PCDHA5: variants seen among roughly 807,000 people sequenced by gnomAD.
The protein encoded by PCDHA5 is protocadherin alpha-5.
PCDHA5 carries 43 observed loss-of-function variants against 61.6 expected under a neutral mutation model. That is an observed-to-expected ratio of 0.70 (90% CI 0.55 to 0.90). PCDHA5 has a LOEUF of 0.90. Among genes scored for constraint, PCDHA5 ranks in the 40% least tolerant of loss-of-function variants. The pLI is 0.00. For synonymous variants in PCDHA5, 627 were observed against 543.9 expected (o/e 1.15, Z -2.13); for missense variants, 1,298 against 1,222.7 (o/e 1.06, Z -0.92).
At chr5:140,933,221 G>T (rs952837794) in intron 1 of PCDHA5, among the ~76,000 whole-genome samples, 1 of 151,758 alleles carries the variant, frequency 6.6e-6, no homozygotes, top group Non-Finnish European at 1.5e-5. Flanking sequence ...CTGTTATATT[G>T]CATTTATGAA....
intron 1 of PCDHA5, among the ~76,000 whole-genome samples, chr5:140,961,205 T>A (rs1215243152): frequency 1.3e-5 from 2 of 152,172 alleles, no homozygotes; most frequent in African/African-American, 4.8e-5. Context: ...GAGGTTGGTA[T>A]TGATGAAGAA....
rs2150168385 is a variant in PCDHA5 at position 140,829,460 on chromosome 5, C to T, written c.2352+5333C>T. On this transcript the variant is annotated intron_variant, in intron 1 of 3. Transcript: ENST00000529859. ...GAATGACAATGCTCCGGCGTTCGCG[C>T]AGCCCGAGTACACAGTGTTCGTGAA... 20 of 1,613,778 alleles carry T rather than the reference C, an allele frequency of 1.2e-5. No homozygotes were observed. The African/African-American group carries it at 2.5e-4, about 20-fold the overall frequency.
intron 1 of PCDHA5, chr5:140,967,449 C>T (rs2096141880): frequency 1.2e-6 from 2 of 1,613,586 alleles, no homozygotes; most frequent in Non-Finnish European, 1.7e-6. Context: ...CTGGTTCTCA[C>T]AGCCGTGGAT....
chr5:140,910,958 C>G (rs571427431), intron 1 of PCDHA5, among the ~76,000 whole-genome samples: 2 of 152,220 alleles, frequency 1.3e-5, no homozygotes, highest in East Asian at 3.9e-4. Context: ...TCGAGTGTAG[C>G]ACACCTCCTC....
chr5:140,927,953 C>T (rs782230690), intron 1 of PCDHA5: 48 of 1,614,090 alleles, frequency 3.0e-5, no homozygotes, highest in Non-Finnish European at 2.1e-5. Flanking sequence ...GAGGACGCTG[C>T]CCCTGGCACA....
chr5:140,920,974 A>G (rs77459262), intron 1 of PCDHA5, among the ~76,000 whole-genome samples: 17,697 of 151,984 alleles, frequency 0.12, 1,149 homozygotes, highest in Middle Eastern at 0.19. Context: ...CTAGAGTATA[A>G]TATTGTATTT....
chr5:140,868,927 A>T, intron 1 of PCDHA5: 3 of 1,057,856 alleles, frequency 2.8e-6, no homozygotes, highest in Non-Finnish European at 4.0e-6. Flanking sequence ...AAGTTCATTT[A>T]AAGGTTGGTC....
intron 2 of PCDHA5, among the ~76,000 whole-genome samples, chr5:140,981,838 C>T (rs916108739): frequency 3.9e-5 from 6 of 152,086 alleles, no homozygotes; most frequent in Admixed American, 6.6e-5. Context: ...AAAGGTCTCC[C>T]AGTTTGTATC....
In PCDHA5 at chr5:140,985,229, G is replaced by T. The variant is rs903728570; in HGVS notation, c.2500+2666G>T. ...TGGGATTACAGGCGTGAGCCACCGC[G>T]CCTGGCCTAATCTTCTTACTCTTTT... On this transcript the variant is annotated intron_variant, in intron 3 of 3. Transcript: ENST00000529859. 3.9e-5 allele frequency among the ~76,000 whole-genome samples: 6 copies of T among 152,216 alleles called. No homozygotes were observed. The South Asian group carries it at 6.2e-4, about 16-fold the overall frequency.
intron 1 of PCDHA5, among the ~76,000 whole-genome samples, chr5:140,937,638 C>A (rs1563161991): frequency 6.7e-6 from 1 of 150,048 alleles, no homozygotes; most frequent in East Asian, 2.1e-4. Flanking sequence ...AAAGGCAGGG[C>A]ATGGTGGCTC....
chr5:140,860,428 T>A (rs1198179293), intron 1 of PCDHA5: 8 of 152,144 alleles, frequency 5.3e-5, no homozygotes, highest in African/African-American at 1.4e-4. Context: ...ATCCTGCAAA[T>A]ATGATCTTTT....
At chr5:140,997,833 A>G (rs2097787444) in intron 3 of PCDHA5, among the ~76,000 whole-genome samples, 1 of 152,230 alleles carries the variant, frequency 6.6e-6, no homozygotes. Flanking sequence ...TCTAAACAAT[A>G]CAATATACAT....
rs1205846373 is a variant in PCDHA5 at position 140,858,213 on chromosome 5, C to T, written c.2352+34086C>T. Reference sequence around the variant, plus strand: ...CTGCTGTACACTGCACTGAGGTGCTCGGCGGCGCCCACCGAGGGCGCATGT... The same window carrying T: ...CTGCTGTACACTGCACTGAGGTGCTTGGCGGCGCCCACCGAGGGCGCATGT... On this transcript the variant is annotated intron_variant, in intron 1 of 3. Coordinates refer to ENST00000529859, the MANE Select transcript of PCDHA5 (RefSeq NM_018908.3). 13 of 1,594,002 alleles carry T rather than the reference C, an allele frequency of 8.2e-6. 3 individuals are homozygous for T. Among genetic ancestry groups the T allele is most frequent in the Non-Finnish European group, 1.1e-5 (13 of 1,165,570 alleles).
intron 1 of PCDHA5, chr5:140,968,910 T>G (rs782307931): frequency 1.9e-6 from 3 of 1,613,974 alleles, no homozygotes; most frequent in Non-Finnish European, 2.5e-6. Flanking sequence ...TTAAGCACAG[T>G]GTCTTTTATA....
At position 141,010,334 on chromosome 5, in the gene PCDHA5, T is replaced by C; in HGVS notation, c.*397T>C. On this transcript the variant is annotated 3_prime_UTR_variant, in exon 4 of 4. Transcript: ENST00000529859. The stretch of plus-strand genomic sequence containing the variant: ...TGAGATTGAGCAGCTTGGGAGTTTG[T>C]GGCCACTGGGTATGTGTGGCTACCG... The C allele has an allele frequency of 2.0e-6, 3 of 1,537,004 alleles. No homozygotes were observed. The East Asian group carries it at 7.4e-5, about 38-fold the overall frequency.
intron 1 of PCDHA5, among the ~76,000 whole-genome samples, chr5:140,892,860 T>C (rs1554185404): frequency 6.6e-6 from 1 of 152,158 alleles, no homozygotes; most frequent in Non-Finnish European, 1.5e-5. Flanking sequence ...ATTCCTCCTG[T>C]GTAGCTATAA....
intron 1 of PCDHA5, chr5:140,882,664 A>AT (rs782651285): frequency 6.2e-7 from 1 of 1,614,046 alleles, no homozygotes; most frequent in Admixed American, 1.7e-5. Flanking sequence ...ACCCGCCCAT[A>AT]TTCCCTGAAA....
rs142720081 is a variant in PCDHA5, at chr5:141,009,771, T to G, written c.2645T>G (p.Ile882Ser). 1 of 1,614,082 alleles carries G rather than the reference T, an allele frequency of 6.2e-7. No individual in the cohort carries two copies. The change falls in exon 4 of 4, where the codon ATC becomes AGC. Residue 882 changes from isoleucine to serine, a missense_variant. Physicochemically the swap from Ile to Ser is moderately radical, Grantham distance 142. Transcript: ENST00000529859. ...DKFIIPGSPA[I>S]ISIRQEPTNS... ...TTCATTATCCCAGGATCTCCTGCAA[T>G]CATCTCCATCCGGCAGGAGCCTACT...
chr5:140,991,838 G>T (rs1056330823), intron 3 of PCDHA5, among the ~76,000 whole-genome samples: 1 of 152,110 alleles, frequency 6.6e-6, no homozygotes, highest in Non-Finnish European at 1.5e-5. Context: ...CGGCAGAACC[G>T]CACTTCCAGA....
Sources: gnomAD v4.1 joint callset for allele counts (sites outside exome capture counted in the v4.1 genomes callset) on GRCh38, gnomAD v4.1.1 for gene constraint, MANE v1.5 for transcripts, NCBI Gene and HGNC (gene_info 2026-07-23, HGNC 2026-07-21) for gene names.